Variants in PLD1 observed in about 807,000 individuals in gnomAD.
The protein encoded by PLD1 is choline phosphatase 1.
PLD1 carries 112 observed loss-of-function variants against 137.1 expected under a neutral mutation model. That is an observed-to-expected ratio of 0.82 (90% CI 0.70 to 0.96). The LOEUF is 0.96. Among genes scored for constraint, PLD1 ranks in the 40% least tolerant of loss-of-function variants. The pLI, the probability that PLD1 is intolerant of heterozygous loss-of-function variation, is 0.00. For missense variants in PLD1, 1,321 were observed against 1,342.0 expected, an observed-to-expected ratio of 0.98 and a Z score of 0.24; for synonymous variants, 431 against 454.7, an observed-to-expected ratio of 0.95 and a Z score of 0.66.
intron 1 of PLD1, among the ~76,000 whole-genome samples, chr3:171,778,069 C>T (rs1001837550): frequency 6.6e-6 from 1 of 152,092 alleles, no homozygotes; most frequent in Non-Finnish European, 1.5e-5. Context: ...TTGTTGCTTA[C>T]AAGATATTTA....
chr3:171,618,925 T>C (rs181375934), intron 24 of PLD1, among the ~76,000 whole-genome samples: 1 of 152,278 alleles, frequency 6.6e-6, no homozygotes, highest in Admixed American at 6.5e-5. Flanking sequence ...GCTTCAGAAC[T>C]ATGTTTCTTT....
rs140969799 is a variant in PLD1, at chr3:171,708,205, G to C, written c.1145+550C>G. ...TTTCCCAAGAGTTAAATGAGTTTCCGATATGAGGCTTCTGGTGACTTTAAT... is the reference window on the plus strand; with the variant it reads ...TTTCCCAAGAGTTAAATGAGTTTCCCATATGAGGCTTCTGGTGACTTTAAT... On this transcript the variant is annotated intron_variant, in intron 11 of 26. Transcript: ENST00000351298. Among the ~76,000 whole-genome samples, 709 of 152,266 alleles carry C rather than the reference G, an allele frequency of 4.7e-3. 5 individuals are homozygous for C. Among genetic ancestry groups the C allele is most frequent in the African/African-American group, 0.016 (670 of 41,558 alleles).
chr3:171,767,934 C>A (rs79107143), intron 1 of PLD1, among the ~76,000 whole-genome samples: 1 of 143,942 alleles, frequency 6.9e-6, no homozygotes, highest in South Asian at 2.2e-4. Context: ...CAGAGTGAGA[C>A]TCTGCCTCAA....
chr3:171,782,487 C>T (rs72622536), intron 1 of PLD1, among the ~76,000 whole-genome samples: 42,395 of 152,022 alleles, frequency 0.28, 6,577 homozygotes, highest in Admixed American at 0.33. Context: ...TGTACTGATG[C>T]CTGCAACTTA....
At chr3:171,808,270 C>G (rs1156529657) in intron 1 of PLD1, among the ~76,000 whole-genome samples, 1 of 151,988 alleles carries the variant, frequency 6.6e-6, no homozygotes, top group Admixed American at 6.6e-5. Flanking sequence ...GGTGCAGTGG[C>G]TCACGCCTGT....
intron 12 of PLD1, among the ~76,000 whole-genome samples, chr3:171,692,665 C>T (rs751910759): frequency 1.3e-5 from 2 of 152,156 alleles, no homozygotes; most frequent in African/African-American, 2.4e-5. Flanking sequence ...GGATTACAGT[C>T]GCATGCCACC....
intron 1 of PLD1, among the ~76,000 whole-genome samples, chr3:171,739,323 A>G (rs1338933538): frequency 6.6e-6 from 1 of 152,186 alleles, no homozygotes; most frequent in Non-Finnish European, 1.5e-5. Context: ...GAAAACCTAT[A>G]CTTTTATGTC....
intron 12 of PLD1, among the ~76,000 whole-genome samples, chr3:171,694,071 A>ATAACACAAC (rs1715459948): frequency 6.6e-6 from 1 of 152,130 alleles, no homozygotes; most frequent in Non-Finnish European, 1.5e-5. Context: ...TTGGACCCTA[A>ATAACACAAC]ATTCCTTATA....
intron 1 of PLD1, among the ~76,000 whole-genome samples, chr3:171,741,631 T>C (rs1273111560): frequency 3.9e-5 from 6 of 152,206 alleles, no homozygotes; most frequent in Non-Finnish European, 4.4e-5. Flanking sequence ...CATGGAGAGA[T>C]AAGAGCAGCT....
chr3:171,791,707 T>C (rs1442493605), intron 1 of PLD1: 1 of 152,206 alleles, frequency 6.6e-6, no homozygotes, highest in Non-Finnish European at 1.5e-5. Flanking sequence ...ATTGACATGA[T>C]ATAAACGTGT....
chr3:171,680,055 G>T (rs1560209449), intron 16 of PLD1, among the ~76,000 whole-genome samples: 2 of 151,994 alleles, frequency 1.3e-5, no homozygotes, highest in Admixed American at 6.6e-5. Context: ...TGAGAAGGGG[G>T]ACTTCTTGTT....
At chr3:171,622,384 G>T (rs1733715141) in intron 23 of PLD1, among the ~76,000 whole-genome samples, 1 of 152,094 alleles carries the variant, frequency 6.6e-6, no homozygotes, top group African/African-American at 2.4e-5. Context: ...ATAGAGCTTT[G>T]ATAATTATTT....
chr3:171,789,794 C>T (rs1159872042), intron 1 of PLD1: 1 of 152,244 alleles, frequency 6.6e-6, no homozygotes, highest in Non-Finnish European at 1.5e-5. Flanking sequence ...GCATCACTCA[C>T]TTGCTGCCAG....
intron 13 of PLD1, among the ~76,000 whole-genome samples, chr3:171,691,815 G>A (rs1388958270): frequency 2.0e-5 from 3 of 151,508 alleles, no homozygotes; most frequent in African/African-American, 7.3e-5. Context: ...GTACCTCAAT[G>A]ACTGGGTTAT....
chr3:171,734,144 C>G (rs1393651883), intron 5 of PLD1, among the ~76,000 whole-genome samples: 1 of 152,152 alleles, frequency 6.6e-6, no homozygotes, highest in Non-Finnish European at 1.5e-5. Context: ...TAAACCAAAA[C>G]TATATAATTT....
Position 171,737,497 on chromosome 3 carries a change from A to C in PLD1, c.288+35T>G, listed in dbSNP as rs768946182. On this transcript the variant is annotated intron_variant, in intron 3 of 26. Transcript: ENST00000351298. ...TATGTACTAATTCACATATATTGACAAAAGAAAAAAGGGTGAGTCCATAAA... is the reference window on the plus strand; with the variant it reads ...TATGTACTAATTCACATATATTGACCAAAGAAAAAAGGGTGAGTCCATAAA... 1.9e-6 allele frequency: 3 copies of C among 1,578,686 alleles called. No individual in the cohort carries two copies. In the South Asian group the frequency reaches 3.5e-5, roughly 19 times the overall value.
chr3:171,665,908 C>T (rs1712088022), intron 19 of PLD1, among the ~76,000 whole-genome samples: 1 of 152,100 alleles, frequency 6.6e-6, no homozygotes, highest in South Asian at 2.1e-4. Context: ...TAAAAAATGT[C>T]ATCATTTGTG....
intron 19 of PLD1, among the ~76,000 whole-genome samples, chr3:171,670,185 A>ACAGT (rs1553814764): frequency 5.9e-5 from 9 of 152,280 alleles, no homozygotes; most frequent in East Asian, 5.8e-4. Flanking sequence ...GGGTACAAAC[A>ACAGT]TAGAAGGAAT....
In PLD1 at chr3:171,601,815, T is replaced by C. The variant is rs1731848437; in HGVS notation, c.*1263A>G. On this transcript the variant is annotated 3_prime_UTR_variant, in exon 27 of 27. Transcript: ENST00000351298. ...ACATTAGCTCTTTAGACTGTCAGAGTTGTTCAGCTTAGTAAAATTTAGTTT... is the reference window on the plus strand; with the variant it reads ...ACATTAGCTCTTTAGACTGTCAGAGCTGTTCAGCTTAGTAAAATTTAGTTT... 1 of 152,134 alleles carries C rather than the reference T, an allele frequency of 6.6e-6. No individual in the cohort carries two copies. The highest frequency in any genetic ancestry group is 2.4e-5 in the African/African-American group (1 of 41,420). 9.4% of individuals were successfully genotyped at this position (152,134 alleles called of 1,614,324 possible).
Sources: gnomAD v4.1 joint callset for allele counts (sites outside exome capture counted in the v4.1 genomes callset) on GRCh38, gnomAD v4.1.1 for gene constraint, MANE v1.5 for transcripts, NCBI Gene and HGNC (gene_info 2026-07-23, HGNC 2026-07-21) for gene names.